SETX: variants seen among roughly 807,000 people sequenced by gnomAD.
SETX encodes the protein helicase senataxin.
A neutral mutation model predicts 227.2 loss-of-function variants in SETX; 90 were observed. The ratio of observed to expected loss-of-function variants is 0.40; its 90% CI spans 0.33 to 0.47. The LOEUF is 0.47. Ranked by LOEUF, SETX falls within the 20% of genes least tolerant of loss-of-function variation. The pLI is 0.91. For missense variants in SETX, 3,052 were observed against 3,181.5 expected, an observed-to-expected ratio of 0.96 and a Z score of 0.98; for synonymous variants, 1,210 against 1,113.2, an observed-to-expected ratio of 1.09 and a Z score of -1.73.
chr9:132,323,636 T>G (rs1247782954), intron 10 of SETX, among the ~76,000 whole-genome samples: 1 of 152,156 alleles, frequency 6.6e-6, no homozygotes, highest in Non-Finnish European at 1.5e-5. Flanking sequence ...GCGGGATGGC[T>G]CACGCCTGTA....
At chr9:132,316,837 A>G (rs1845999930) in intron 10 of SETX, among the ~76,000 whole-genome samples, 1 of 152,234 alleles carries the variant, frequency 6.6e-6, no homozygotes, top group East Asian at 1.9e-4. Flanking sequence ...GCTTTGAAAC[A>G]GCTTCGTAGC....
intron 10 of SETX, among the ~76,000 whole-genome samples, chr9:132,314,407 T>C (rs1201819786): frequency 1.3e-5 from 2 of 151,846 alleles, no homozygotes; most frequent in Admixed American, 6.6e-5. Flanking sequence ...GTATTTTTAG[T>C]AGAGACAGCG....
intron 15 of SETX, among the ~76,000 whole-genome samples, chr9:132,291,024 G>C (rs1471857413): frequency 6.6e-6 from 1 of 151,850 alleles, no homozygotes; most frequent in Non-Finnish European, 1.5e-5. Context: ...CTAGAAGAGT[G>C]GTGGGCACAT....
At chr9:132,297,107 T>C in intron 13 of SETX, 53 bp from the exon 14 acceptor site, 1 of 1,475,258 alleles carries the variant, frequency 6.8e-7, no homozygotes, top group East Asian at 2.3e-5. Context: ...TAGTGGAATT[T>C]GAAAGGAAGA....
At chr9:132,337,372 C>A in intron 5 of SETX, among the ~76,000 whole-genome samples, 2 of 148,552 alleles carry the variant, frequency 1.3e-5, no homozygotes, top group African/African-American at 2.5e-5. Context: ...GGCAGAATAG[C>A]ATAAAGAAGT....
rs1461849210 is a variant in SETX at position 132,326,866 on chromosome 9, C to G, written c.4732G>C (p.Val1578Leu). The G allele has an allele frequency of 6.2e-7, 1 of 1,614,186 alleles. No homozygotes were observed. Among genetic ancestry groups the G allele is most frequent in the Admixed American group, 1.7e-5 (1 of 60,032 alleles). ...GGAGGCAAGCCAGGTTTACGAAATA[C>G]ATCTTCATCTGCTGCTTTCACTTCA... Reference protein sequence around the residue: ...HSEVKAADEDVFRKPGLPPPA... With the variant: ...HSEVKAADEDLFRKPGLPPPA... Residue 1578 changes from valine (V) to leucine (L), a missense_variant, in exon 10 of 26, where the codon GTA (valine) becomes CTA (leucine). Val to Leu is a conservative substitution (Grantham distance 32, BLOSUM62 1). Transcript: ENST00000224140.
intron 5 of SETX, among the ~76,000 whole-genome samples, chr9:132,336,913 A>G (rs546335509): frequency 1.3e-3 from 196 of 152,142 alleles, no homozygotes; most frequent in African/African-American, 4.6e-3. Context: ...AAAATACAAA[A>G]AAATTAGCTG....
intron 20 of SETX, among the ~76,000 whole-genome samples, chr9:132,280,844 C>A (rs77154192): frequency 0.014 from 2,133 of 152,176 alleles, 52 homozygotes; most frequent in African/African-American, 0.048. Context: ...TTAAAAAAAA[C>A]CAACAGAGAA....
At chr9:132,356,151 GAAAAGTCTATAAATAAATAAAA>G (rs1564174660), upstream of SETX, among the ~76,000 whole-genome samples, 1 of 152,032 alleles carries the variant, frequency 6.6e-6, no homozygotes, top group Non-Finnish European at 1.5e-5. Context: ...CCCTGTCTCA[GAAAAGTCTATAAATAAATAAAA>G]ATGAGTAAAA....
chr9:132,292,510 AAAAGACAACAAAT>A lies in SETX; in HGVS notation c.6106+3349_6106+3361del, dbSNP rs537474658. ...TAGAAATTTACTTATTCTGTTAAAA[AAAAGACAACAAAT>A]AAAGACAACAAATACAATACTAATA... On this transcript the variant is annotated intron_variant, in intron 15 of 25. Transcript: ENST00000224140. 3.5e-4 allele frequency among the ~76,000 whole-genome samples: 53 copies of A among 152,070 alleles called. No homozygotes were observed. In the East Asian group the frequency reaches 9.6e-3, roughly 28 times the overall value.
chr9:132,326,276 G>C (rs777481269), intron 10 of SETX, 48 bp downstream of exon 10: 2 of 1,386,378 alleles, frequency 1.4e-6, no homozygotes, highest in South Asian at 2.4e-5. Context: ...AAGGTAAAGA[G>C]GTAACTTGAA....
At chr9:132,294,511 G>A (rs1490313971) in intron 15 of SETX, among the ~76,000 whole-genome samples, 1 of 152,210 alleles carries the variant, frequency 6.6e-6, no homozygotes, top group East Asian at 1.9e-4. Flanking sequence ...ACAATGTATT[G>A]TATGTTTTAA....
In SETX at chr9:132,272,983, T is replaced by G. The variant is rs930741694; in HGVS notation, c.7101-1175A>C. Among the ~76,000 whole-genome samples, 5 of 152,294 alleles carry G rather than the reference T, an allele frequency of 3.3e-5. No individual in the cohort carries two copies. In the East Asian group the frequency reaches 9.7e-4, roughly 29 times the overall value. On this transcript the variant is annotated intron_variant, in intron 23 of 25. Transcript: ENST00000224140. ...GTCTTTGGCTGGGCATGGTAGCTCA[T>G]GTCTGTAATCCAAGCACTTTGGGAA...
Position 132,286,432 on chromosome 9 carries a change from T to A in SETX, c.6387A>T (p.Lys2129Asn), listed in dbSNP as rs777588116. 6.2e-7 allele frequency: 1 copy of A among 1,612,666 alleles called. No individual in the cohort carries two copies. Among genetic ancestry groups the A allele is most frequent in the South Asian group, 1.1e-5 (1 of 90,908 alleles). ...CAGGTGAACTACTTACCTCTTTAAT[T>A]TTAGAAGCAAGTTCCTGCCTTTCCT... ...VSKERQELASKIKEVQGRPQK... is the reference protein window; with the variant it reads ...VSKERQELASNIKEVQGRPQK... Residue 2129 changes from lysine to asparagine, a missense_variant, in exon 18 of 26, where the codon AAA (lysine) becomes AAT (asparagine). This residue lies in a region of SETX where 412 missense variants were observed against 589.0 expected (regional missense o/e 0.70). Coordinates refer to ENST00000224140, the MANE Select transcript of SETX (RefSeq NM_015046.7).
intron 19 of SETX, among the ~76,000 whole-genome samples, chr9:132,281,883 G>A (rs958922236): frequency 4.0e-5 from 6 of 151,800 alleles, no homozygotes; most frequent in East Asian, 1.9e-4. Flanking sequence ...TTAGCTGGGC[G>A]TGGTGGCAAG....
chr9:132,349,484 CTG>C (rs747610228), intron 2 of SETX, 49 bp from the exon 3 acceptor site: 17 of 1,577,586 alleles, frequency 1.1e-5, no homozygotes, highest in Non-Finnish European at 1.4e-5. Flanking sequence ...TTCAGACCTA[CTG>C]TGTGTCAAGA....
intron 11 of SETX, among the ~76,000 whole-genome samples, chr9:132,305,417 A>AT (rs985475303): frequency 6.6e-6 from 1 of 151,490 alleles, no homozygotes; most frequent in Non-Finnish European, 1.5e-5. Context: ...TTTAAAAAAA[A>AT]TTTTTTTTTA....
In SETX at chr9:132,264,149, C is replaced by T. The variant is rs904761795; in HGVS notation, c.*90G>A. ...TTTCCAACAGCACACAAACTCCTTA[C>T]AAAAAACAAGCTTATCTAGATGGTC... On this transcript the variant is annotated 3_prime_UTR_variant, in exon 26 of 26. Transcript: ENST00000224140. The T allele has an allele frequency of 1.5e-5, 24 of 1,586,624 alleles. No individual in the cohort carries two copies. Among genetic ancestry groups the T allele is most frequent in the Non-Finnish European group, 1.9e-5 (22 of 1,165,708 alleles).
At position 132,304,810 on chromosome 9, in the gene SETX, CA is replaced by C. The variant is rs1467251837; in HGVS notation, c.5375-4008del. ...GTCAGGAGTTCAAGACCAGCCTAGC[CA>C]AAATGGCAAATCCCCATCTCGATTA... On this transcript the variant is annotated intron_variant, in intron 11 of 25. Transcript: ENST00000224140. Among the ~76,000 whole-genome samples the C allele has an allele frequency of 4.6e-5, 7 of 151,758 alleles. No individual in the cohort carries two copies. The East Asian group carries it at 1.4e-3, about 30-fold the overall frequency.
Sources: allele counts gnomAD v4.1 joint callset (sites outside exome capture counted in the v4.1 genomes callset), GRCh38; gene constraint gnomAD v4.1.1; regional missense constraint gnomAD v4.1.1; transcripts MANE v1.5; gene names NCBI Gene and HGNC (gene_info 2026-07-23, HGNC 2026-07-21).